EPB41L4B: variants seen among roughly 807,000 people sequenced by gnomAD.
EPB41L4B encodes band 4.1-like protein 4B.
A neutral mutation model predicts 112.5 loss-of-function variants in EPB41L4B; 30 were observed. The observed-to-expected ratio is 0.27, with a 90% CI of 0.20 to 0.36. The LOEUF (loss-of-function observed/expected upper bound fraction) is 0.36. Ranked by LOEUF, EPB41L4B falls within the 10% of genes least tolerant of loss-of-function variation. The pLI, the probability that EPB41L4B is intolerant of heterozygous loss-of-function variation, is 1.00. For synonymous variants in EPB41L4B, 408 were observed against 439.7 expected, an observed-to-expected ratio of 0.93 and a Z score of 0.90; for missense variants, 1,024 against 1,133.3, an observed-to-expected ratio of 0.90 and a Z score of 1.38.
intron 22 of EPB41L4B, among the ~76,000 whole-genome samples, chr9:109,190,251 T>C (rs1439535218): frequency 6.6e-6 from 1 of 152,156 alleles, no homozygotes; most frequent in Non-Finnish European, 1.5e-5. Context: ...GGGCTAGAGA[T>C]AGGCTGTAAG....
At position 109,209,482 on chromosome 9, in the gene EPB41L4B, G is replaced by A. The variant is rs563566790; in HGVS notation, c.1753-1433C>T. 3.3e-5 allele frequency among the ~76,000 whole-genome samples: 5 copies of A among 151,882 alleles called. No homozygotes were observed. In the South Asian group the frequency reaches 8.3e-4, roughly 25 times the overall value. Reference sequence around the variant, plus strand: ...TGGAGACCAGCCTGGGAAACACAGCGAAACCCCATCTCTACTAAAAATAGA... The same window carrying A: ...TGGAGACCAGCCTGGGAAACACAGCAAAACCCCATCTCTACTAAAAATAGA... On this transcript the variant is annotated intron_variant, in intron 17 of 25. Transcript: ENST00000374566.
At chr9:109,295,706 A>G (rs1437595228) in intron 1 of EPB41L4B, among the ~76,000 whole-genome samples, 1 of 152,200 alleles carries the variant, frequency 6.6e-6, no homozygotes, top group Non-Finnish European at 1.5e-5. Context: ...AGGAAAAGAA[A>G]AGGCAAGGCT....
At chr9:109,314,680 C>T (rs535602052) in intron 1 of EPB41L4B, among the ~76,000 whole-genome samples, 73 of 152,136 alleles carry the variant, frequency 4.8e-4, no homozygotes, top group African/African-American at 1.6e-3. Context: ...AAGGCATATC[C>T]AAAAATAACA....
At chr9:109,208,341 C>T (rs1833051616) in intron 17 of EPB41L4B, among the ~76,000 whole-genome samples, 1 of 152,206 alleles carries the variant, frequency 6.6e-6, no homozygotes, top group South Asian at 2.1e-4. Flanking sequence ...CAGAAGAGGA[C>T]ATCTCCTGGT....
chr9:109,228,984 T>C (rs1478905007), intron 15 of EPB41L4B, among the ~76,000 whole-genome samples: 1 of 152,220 alleles, frequency 6.6e-6, no homozygotes, highest in East Asian at 1.9e-4. Context: ...CAGTAAAACA[T>C]ATATGATGTG....
At chr9:109,209,369 A>G (rs1833083542) in intron 17 of EPB41L4B, among the ~76,000 whole-genome samples, 1 of 151,912 alleles carries the variant, frequency 6.6e-6, no homozygotes, top group South Asian at 2.1e-4. Flanking sequence ...TAAAAAAAAA[A>G]AGGATCATGG....
chr9:109,227,761 T>C (rs1833831890), intron 15 of EPB41L4B, among the ~76,000 whole-genome samples: 1 of 152,108 alleles, frequency 6.6e-6, no homozygotes, highest in South Asian at 2.1e-4. Flanking sequence ...TTTGTATTTT[T>C]AGTAGAGACA....
intron 24 of EPB41L4B, among the ~76,000 whole-genome samples, chr9:109,180,347 G>A (rs1832010708): frequency 1.3e-5 from 2 of 152,228 alleles, no homozygotes; most frequent in Non-Finnish European, 2.9e-5. Flanking sequence ...TGCCAAGGCT[G>A]GGCAGAAGGC....
chr9:109,266,452 C>G (rs1221677595), intron 4 of EPB41L4B, among the ~76,000 whole-genome samples: 1 of 152,084 alleles, frequency 6.6e-6, no homozygotes, highest in Non-Finnish European at 1.5e-5. Context: ...TCCCTAAGAA[C>G]CACCCAGCAG....
At position 109,275,430 on chromosome 9, in the gene EPB41L4B, C is replaced by T. The variant is rs575531539; in HGVS notation, c.411+4387G>A. 4.6e-5 allele frequency among the ~76,000 whole-genome samples: 7 copies of T among 152,282 alleles called. No individual in the cohort carries two copies. The South Asian group carries it at 1.5e-3, about 32-fold the overall frequency. ...ATGACATCCAATCACCTCCCAGGTCCTATAAAAATCAATGACCCCAAAAGC... is the reference window on the plus strand; with the variant it reads ...ATGACATCCAATCACCTCCCAGGTCTTATAAAAATCAATGACCCCAAAAGC... On this transcript the variant is annotated intron_variant, in intron 2 of 25. Coordinates refer to ENST00000374566, the MANE Select transcript of EPB41L4B (RefSeq NM_019114.5).
At chr9:109,178,819 G>A (rs1423873433) in intron 24 of EPB41L4B, among the ~76,000 whole-genome samples, 1 of 150,118 alleles carries the variant, frequency 6.7e-6, no homozygotes, top group Non-Finnish European at 1.5e-5. Context: ...TAAGTAAATG[G>A]GGCAGGGCCT....
At chr9:109,176,059 C>A (rs1438853936) in intron 25 of EPB41L4B, among the ~76,000 whole-genome samples, 1 of 56,278 alleles carries the variant, frequency 1.8e-5, no homozygotes, top group Non-Finnish European at 4.0e-5. Flanking sequence ...CGCACACACA[C>A]ACACACACAC....
At chr9:109,182,214 AAAAC>A (rs915445077) in intron 24 of EPB41L4B, among the ~76,000 whole-genome samples, 3 of 152,232 alleles carry the variant, frequency 2.0e-5, no homozygotes, top group Admixed American at 6.5e-5. Flanking sequence ...ATCCGTCTCA[AAAAC>A]AAACAAACAA....
At chr9:109,230,129 C>T (rs1833905739) in intron 15 of EPB41L4B, among the ~76,000 whole-genome samples, 1 of 152,166 alleles carries the variant, frequency 6.6e-6, no homozygotes, top group East Asian at 1.9e-4. Flanking sequence ...CAGTACTTCA[C>T]CATCAGTTAA....
intron 21 of EPB41L4B, among the ~76,000 whole-genome samples, chr9:109,193,335 C>T (rs531044273): frequency 7.2e-5 from 11 of 152,340 alleles, no homozygotes; most frequent in African/African-American, 2.6e-4. Flanking sequence ...GAATTGTGAT[C>T]CCTGAAGCTG....
At chr9:109,261,968 C>T (rs1018403219) in intron 6 of EPB41L4B, among the ~76,000 whole-genome samples, 2 of 152,160 alleles carry the variant, frequency 1.3e-5, no homozygotes, top group African/African-American at 4.8e-5. Flanking sequence ...CAAATGAGTG[C>T]ACAACATATG....
intron 15 of EPB41L4B, among the ~76,000 whole-genome samples, chr9:109,219,760 C>A (rs956322569): frequency 1.3e-5 from 2 of 152,130 alleles, no homozygotes; most frequent in Non-Finnish European, 2.9e-5. Flanking sequence ...AACGGAAAAT[C>A]CATTTTTTTC....
intron 6 of EPB41L4B, 65 bp downstream of exon 6, chr9:109,262,985 C>T: frequency 9.0e-7 from 1 of 1,110,292 alleles, no homozygotes; most frequent in Non-Finnish European, 1.3e-6. Context: ...ATACTGTGGA[C>T]ACTCATTTGT....
chr9:109,243,428 A>T (rs979478690), intron 15 of EPB41L4B, among the ~76,000 whole-genome samples, 190 bp downstream of exon 15: 1 of 152,192 alleles, frequency 6.6e-6, no homozygotes, highest in Non-Finnish European at 1.5e-5. Context: ...TTCACAAAGC[A>T]TACCTTTGAT....
Sources: allele counts gnomAD v4.1 joint callset (sites outside exome capture counted in the v4.1 genomes callset), GRCh38; gene constraint gnomAD v4.1.1; transcripts MANE v1.5; gene names NCBI Gene and HGNC (gene_info 2026-07-23, HGNC 2026-07-21).